FOXP2: variants seen among roughly 807,000 people sequenced by gnomAD.
FOXP2 encodes forkhead box P2.
A neutral mutation model predicts 115.8 loss-of-function variants in FOXP2; 12 were observed. That is an observed-to-expected ratio of 0.10 (90% confidence interval 0.07 to 0.17). The LOEUF (loss-of-function observed/expected upper bound fraction) is 0.17, where lower values mean the gene tolerates loss of function less well. Among genes scored for constraint, FOXP2 ranks in the 10% least tolerant of loss-of-function variants. The probability of loss-of-function intolerance (pLI) is 1.00; values close to 1 mark genes in which losing one functional copy is unlikely to be tolerated. For missense variants in FOXP2, 629 were observed against 843.5 expected, an observed-to-expected ratio of 0.75 and a Z score of 3.15; for synonymous variants, 328 against 297.7, an observed-to-expected ratio of 1.10 and a Z score of -1.05.
intron 1 of FOXP2, among the ~76,000 whole-genome samples, chr7:114,424,738 T>C (rs1233857264): frequency 6.6e-6 from 1 of 151,592 alleles, no homozygotes; most frequent in East Asian, 1.9e-4. Flanking sequence ...CCTATTTGTT[T>C]ATAAACACAT....
At chr7:114,471,923 G>T (rs552049458) in intron 2 of FOXP2, among the ~76,000 whole-genome samples, 1 of 150,442 alleles carries the variant, frequency 6.6e-6, no homozygotes, top group South Asian at 2.1e-4. Flanking sequence ...TTGCACTGCT[G>T]CACTCCAGCC....
intron 1 of FOXP2, among the ~76,000 whole-genome samples, chr7:114,128,176 A>G (rs967273767): frequency 4.6e-5 from 7 of 152,156 alleles, no homozygotes; most frequent in Non-Finnish European, 8.8e-5. Context: ...GGATATTTCT[A>G]CAGTTGTTTC....
At chr7:114,201,095 G>A (rs1420578274) in intron 1 of FOXP2, among the ~76,000 whole-genome samples, 2 of 152,110 alleles carry the variant, frequency 1.3e-5, no homozygotes, top group Non-Finnish European at 2.9e-5. Context: ...GGCAGAGGTT[G>A]CAGTGAGCCA....
chr7:114,137,472 G>A (rs1167700116), intron 1 of FOXP2, among the ~76,000 whole-genome samples: 1 of 152,078 alleles, frequency 6.6e-6, no homozygotes, highest in African/African-American at 2.4e-5. Context: ...ATAAACTTGT[G>A]TTCATGGAGT....
chr7:114,614,454 T>C (rs1189223591), intron 3 of FOXP2, among the ~76,000 whole-genome samples: 1 of 152,200 alleles, frequency 6.6e-6, no homozygotes, highest in Non-Finnish European at 1.5e-5. Context: ...ATTCCTACTT[T>C]GCCATTTACT....
At chr7:114,645,206 T>G (rs1402610413) in intron 8 of FOXP2, 1 of 141,238 alleles carries the variant, frequency 7.1e-6, no homozygotes, top group African/African-American at 2.6e-5. Flanking sequence ...TGAAAGTTCG[T>G]TTTTTAATTA....
At chr7:114,092,472 A>G (rs1041061955) in intron 1 of FOXP2, among the ~76,000 whole-genome samples, 2 of 151,926 alleles carry the variant, frequency 1.3e-5, no homozygotes, top group African/African-American at 2.4e-5. Context: ...GCTTTGTATC[A>G]TTTTAGTATA....
chr7:114,091,271 T>C (rs924369717), intron 1 of FOXP2, among the ~76,000 whole-genome samples: 5 of 151,808 alleles, frequency 3.3e-5, no homozygotes, highest in Admixed American at 1.3e-4. Flanking sequence ...AAGAGGTTAG[T>C]GGTAGAATAT....
intron 16 of FOXP2, among the ~76,000 whole-genome samples, chr7:114,686,610 G>T (rs1394833727): frequency 6.6e-6 from 1 of 152,002 alleles, no homozygotes; most frequent in African/African-American, 2.4e-5. Flanking sequence ...TTGTCTCATT[G>T]CTGGCAAAAT....
At chr7:114,574,608 C>T (rs560992355) in intron 3 of FOXP2, among the ~76,000 whole-genome samples, 22 of 151,828 alleles carry the variant, frequency 1.4e-4, no homozygotes, top group Admixed American at 1.3e-3. Flanking sequence ...CTAACTATAC[C>T]CTGTTGGCAC....
intron 16 of FOXP2, among the ~76,000 whole-genome samples, chr7:114,686,332 C>T (rs917609014): frequency 1.3e-5 from 2 of 151,972 alleles, no homozygotes; most frequent in South Asian, 2.1e-4. Flanking sequence ...GCCACCATGC[C>T]CAGCTAATTT....
intron 1 of FOXP2, among the ~76,000 whole-genome samples, chr7:114,124,711 A>C (rs558956987): frequency 7.2e-5 from 11 of 151,872 alleles, no homozygotes; most frequent in Admixed American, 1.3e-4. Flanking sequence ...TCTCATCCTC[A>C]TCCTCTTTCC....
intron 1 of FOXP2, among the ~76,000 whole-genome samples, chr7:114,198,534 A>G (rs1354037848): frequency 6.6e-6 from 1 of 152,206 alleles, no homozygotes; most frequent in East Asian, 1.9e-4. Context: ...GATTCCTCTC[A>G]TAAGCAGTTC....
upstream of FOXP2, chr7:114,086,370 C>T (rs1354664067): frequency 7.4e-6 from 3 of 405,492 alleles, no homozygotes; most frequent in Admixed American, 2.8e-5. Flanking sequence ...CCGCGGCCGC[C>T]GCTTCGCCCT....
At chr7:114,610,248 A>G (rs950124549) in intron 3 of FOXP2, among the ~76,000 whole-genome samples, 10 of 152,348 alleles carry the variant, frequency 6.6e-5, no homozygotes, top group Non-Finnish European at 1.0e-4. Context: ...CACCATTGCA[A>G]CTGAAATTCT....
chr7:114,637,047 G>A (rs1430258439), intron 6 of FOXP2, among the ~76,000 whole-genome samples: 1 of 152,092 alleles, frequency 6.6e-6, no homozygotes, highest in Non-Finnish European at 1.5e-5. Context: ...GATGACGTAT[G>A]CCTGTGGTCG....
intron 3 of FOXP2, among the ~76,000 whole-genome samples, chr7:114,619,313 C>T (rs1026582387): frequency 8.6e-5 from 13 of 152,002 alleles, no homozygotes; most frequent in Non-Finnish European, 1.5e-4. Context: ...AAAACCAAAA[C>T]GGGCATATTT....
rs1386251305 is a variant in FOXP2, at chr7:114,691,429, A to G, written c.*1503A>G. 1 of 453,894 alleles carries G rather than the reference A, an allele frequency of 2.2e-6. No homozygotes were observed. The highest frequency in any genetic ancestry group is 6.9e-5 in the East Asian group (1 of 14,404). 28.1% of individuals were successfully genotyped at this position (453,894 alleles called of 1,614,324 possible). ...ATTTTCAGTCAAACCAAAGTTACATATAATTCTGCCTCTGCTTATACGGGA... is the reference window on the plus strand; with the variant it reads ...ATTTTCAGTCAAACCAAAGTTACATGTAATTCTGCCTCTGCTTATACGGGA... On this transcript the variant is annotated 3_prime_UTR_variant, in exon 17 of 17. Coordinates refer to ENST00000350908, the MANE Select transcript of FOXP2 (RefSeq NM_014491.4).
intron 3 of FOXP2, among the ~76,000 whole-genome samples, chr7:114,608,830 C>T (rs1803474317): frequency 6.6e-6 from 1 of 152,084 alleles, no homozygotes; most frequent in East Asian, 1.9e-4. Context: ...GATAAAATAG[C>T]TTTGAAAAAG....
Sources: gnomAD v4.1 joint callset for allele counts (sites outside exome capture counted in the v4.1 genomes callset) on GRCh38, gnomAD v4.1.1 for gene constraint, MANE v1.5 for transcripts, NCBI Gene and HGNC (gene_info 2026-07-23, HGNC 2026-07-21) for gene names.